Variants in PRKN observed in about 807,000 individuals in gnomAD.
PRKN encodes parkin RBR E3 ubiquitin protein ligase.
PRKN carries 56 observed loss-of-function variants against 59.5 expected under a neutral mutation model. The observed-to-expected ratio is 0.94, with a 90% CI of 0.76 to 1.18. The LOEUF (loss-of-function observed/expected upper bound fraction) is 1.18, where lower values mean the gene tolerates loss of function less well. Ranked by LOEUF, PRKN falls within the 50% of genes most tolerant of loss-of-function variation. The probability of loss-of-function intolerance (pLI) is 0.00; values close to 1 mark genes in which losing one functional copy is unlikely to be tolerated. For missense variants in PRKN, 657 were observed against 596.4 expected (o/e 1.10, Z -1.06); for synonymous variants, 250 against 222.1 (o/e 1.13, Z -1.12).
At chr6:162,251,633 A>G (rs1291995078) in intron 3 of PRKN, among the ~76,000 whole-genome samples, 1 of 152,232 alleles carries the variant, frequency 6.6e-6, no homozygotes, top group Non-Finnish European at 1.5e-5. Context: ...CAATCCCATC[A>G]CAAGAAGAAA....
chr6:162,727,537 A>G (rs1779331369), intron 1 of PRKN, 125 bp downstream of exon 1: 1 of 1,100,468 alleles, frequency 9.1e-7, no homozygotes, highest in Non-Finnish European at 1.3e-6. Flanking sequence ...CGGGGACGGC[A>G]CGGGCACTTT....
chr6:162,525,301 G>A lies in PRKN; in HGVS notation c.8-81828C>T, dbSNP rs573645629. ...GTGCTCTCTGACTTCATCTCCAGCT[G>A]CTGTCCCCTGGGTTCAGCTCACTCC... is the stretch of plus-strand genomic sequence containing the variant. On this transcript the variant is annotated intron_variant, in intron 1 of 11. Transcript: ENST00000366898. Among the ~76,000 whole-genome samples, 5 of 152,098 alleles carry A rather than the reference G, an allele frequency of 3.3e-5. 1 individual carries two copies. Among genetic ancestry groups the A allele is most frequent in the Non-Finnish European group, 7.4e-5 (5 of 68,016 alleles).
chr6:161,975,511 T>C (rs1780994065), intron 5 of PRKN, among the ~76,000 whole-genome samples: 1 of 152,224 alleles, frequency 6.6e-6, no homozygotes, highest in Admixed American at 6.5e-5. Context: ...TTTGATTTCT[T>C]CTTTTCCTGT....
chr6:161,761,449 A>G (rs148153277), intron 7 of PRKN, among the ~76,000 whole-genome samples: 3 of 152,342 alleles, frequency 2.0e-5, no homozygotes, highest in Non-Finnish European at 4.4e-5. Context: ...AAATGCTCAC[A>G]TGACAAATGA....
chr6:161,816,659 T>C (rs1791795909), intron 6 of PRKN, among the ~76,000 whole-genome samples: 1 of 151,476 alleles, frequency 6.6e-6, no homozygotes. Flanking sequence ...CCCCAGGAGT[T>C]GGAGGTTGCA....
chr6:161,947,388 C>G (rs1250897774), intron 6 of PRKN, among the ~76,000 whole-genome samples: 2 of 152,158 alleles, frequency 1.3e-5, no homozygotes, highest in Non-Finnish European at 2.9e-5. Context: ...ATACTTGAAG[C>G]CTTTTCTTAA....
intron 4 of PRKN, among the ~76,000 whole-genome samples, chr6:162,125,452 A>AT (rs777521105): frequency 8.6e-5 from 13 of 152,042 alleles, no homozygotes; most frequent in Non-Finnish European, 1.5e-4. Context: ...TAGGGACAAT[A>AT]TTTTTTTCCC....
At chr6:162,366,364 C>G (rs2128135447) in intron 2 of PRKN, among the ~76,000 whole-genome samples, 1 of 152,094 alleles carries the variant, frequency 6.6e-6, no homozygotes, top group Non-Finnish European at 1.5e-5. Context: ...ATCTTATATC[C>G]AAATGGGATT....
At chr6:161,370,397 G>A (rs1026792592) in intron 10 of PRKN, among the ~76,000 whole-genome samples, 1 of 145,776 alleles carries the variant, frequency 6.9e-6, no homozygotes, top group African/African-American at 2.6e-5. Context: ...TGGCTAACAC[G>A]ATGAAACCCC....
At chr6:161,917,410 T>C (rs1026105720) in intron 6 of PRKN, among the ~76,000 whole-genome samples, 1 of 152,170 alleles carries the variant, frequency 6.6e-6, no homozygotes. Context: ...CCGGCCGATT[T>C]TTTCATTTTT....
chr6:162,352,508 T>C (rs1043411492), intron 2 of PRKN, among the ~76,000 whole-genome samples: 1 of 152,152 alleles, frequency 6.6e-6, no homozygotes, highest in African/African-American at 2.4e-5. Context: ...GTCAGGTCAG[T>C]GTGACTGCGC....
intron 9 of PRKN, among the ~76,000 whole-genome samples, chr6:161,537,702 TAG>T (rs1779475610): frequency 1.3e-5 from 2 of 152,010 alleles, no homozygotes; most frequent in Non-Finnish European, 1.5e-5. Context: ...CCGCCCGCCT[TAG>T]CCTCCCAAAG....
chr6:161,398,818 G>A (rs2114974240), intron 9 of PRKN, among the ~76,000 whole-genome samples: 1 of 152,262 alleles, frequency 6.6e-6, no homozygotes, highest in Admixed American at 6.5e-5. Flanking sequence ...TTGAACCTGG[G>A]AGGTGCAGGT....
At chr6:162,390,077 C>T (rs1246233654) in intron 2 of PRKN, among the ~76,000 whole-genome samples, 2 of 152,084 alleles carry the variant, frequency 1.3e-5, no homozygotes, top group Non-Finnish European at 2.9e-5. Context: ...GTTGGATTAA[C>T]TTCAAGAGCT....
chr6:161,754,492 G>A (rs1443451920), intron 7 of PRKN, among the ~76,000 whole-genome samples: 2 of 152,106 alleles, frequency 1.3e-5, no homozygotes, highest in African/African-American at 2.4e-5. Flanking sequence ...GGTGCTTGTG[G>A]GAGGCTGCGG....
intron 7 of PRKN, among the ~76,000 whole-genome samples, chr6:161,766,848 G>A (rs2128200654): frequency 6.6e-6 from 1 of 152,312 alleles, no homozygotes; most frequent in Non-Finnish European, 1.5e-5. Flanking sequence ...ACATGAAAGA[G>A]GTTTTGTGAA....
chr6:161,674,445 C>T (rs1785017550), intron 7 of PRKN, among the ~76,000 whole-genome samples: 1 of 152,150 alleles, frequency 6.6e-6, no homozygotes, highest in African/African-American at 2.4e-5. Flanking sequence ...CAAGGATTTA[C>T]TCCAATAATG....
chr6:162,682,075 C>T (rs917819610), intron 1 of PRKN, among the ~76,000 whole-genome samples: 1 of 152,002 alleles, frequency 6.6e-6, no homozygotes, highest in African/African-American at 2.4e-5. Flanking sequence ...TTAAAATGTT[C>T]ATACCCTTTG....
intron 6 of PRKN, among the ~76,000 whole-genome samples, chr6:161,848,661 T>C (rs931058934): frequency 3.9e-5 from 6 of 152,184 alleles, no homozygotes; most frequent in African/African-American, 1.4e-4. Context: ...TAGGCCCTGG[T>C]TATGCTAATA....
Sources: gnomAD v4.1 joint callset for allele counts (sites outside exome capture counted in the v4.1 genomes callset) on GRCh38, gnomAD v4.1.1 for gene constraint, MANE v1.5 for transcripts, NCBI Gene and HGNC (gene_info 2026-07-23, HGNC 2026-07-21) for gene names.